PPM1E: variants seen among roughly 807,000 people sequenced by gnomAD.
PPM1E encodes protein phosphatase 1E.
A neutral mutation model predicts 65.9 loss-of-function variants in PPM1E; 20 were observed. The ratio of observed to expected loss-of-function variants is 0.30; its 90% CI spans 0.21 to 0.44. The LOEUF (loss-of-function observed/expected upper bound fraction) is 0.44, where lower values mean the gene tolerates loss of function less well. PPM1E is among the 20% of genes least tolerant of loss of function. The pLI is 1.00. For synonymous variants in PPM1E, 352 were observed against 374.9 expected (o/e 0.94, Z 0.70); for missense variants, 713 against 953.1 (o/e 0.75, Z 3.32).
At chr17:58,871,512 A>T (rs1374669291) in intron 1 of PPM1E, among the ~76,000 whole-genome samples, 1 of 152,052 alleles carries the variant, frequency 6.6e-6, no homozygotes, top group Non-Finnish European at 1.5e-5. Flanking sequence ...TGTAGTTTTA[A>T]TTACTCAAGA....
At chr17:58,828,144 A>G (rs12941189) in intron 1 of PPM1E, among the ~76,000 whole-genome samples, 96,079 of 150,942 alleles carry the variant, frequency 0.64, 30,970 homozygotes, top group African/African-American at 0.71. Context: ...ACTTGAACCT[A>G]GGAGGCAGAG....
chr17:58,971,408 T>A (rs1345381668), intron 4 of PPM1E, among the ~76,000 whole-genome samples: 1 of 152,228 alleles, frequency 6.6e-6, no homozygotes, highest in Admixed American at 6.5e-5. Context: ...CATTTGGTGG[T>A]GACTCATGTC....
intron 1 of PPM1E, among the ~76,000 whole-genome samples, chr17:58,837,350 C>G (rs1336852162): frequency 6.7e-6 from 1 of 150,292 alleles, no homozygotes; most frequent in Non-Finnish European, 1.5e-5. Flanking sequence ...CACACACACA[C>G]ACACACACAC....
chr17:58,811,425 A>G (rs1246779811), intron 1 of PPM1E, among the ~76,000 whole-genome samples: 5 of 152,306 alleles, frequency 3.3e-5, no homozygotes, highest in East Asian at 1.9e-4. Flanking sequence ...CCTTTGCACT[A>G]TTGTCTCAAA....
intron 1 of PPM1E, among the ~76,000 whole-genome samples, chr17:58,939,997 A>G (rs192756176): frequency 1.3e-5 from 2 of 152,326 alleles, no homozygotes; most frequent in Admixed American, 6.5e-5. Context: ...ATTTCTAATC[A>G]TATTGCAGTT....
At chr17:58,968,324 C>T (rs1233708324) in intron 3 of PPM1E, among the ~76,000 whole-genome samples, 1 of 152,110 alleles carries the variant, frequency 6.6e-6, no homozygotes, top group Non-Finnish European at 1.5e-5. Context: ...ACTTGGGAGG[C>T]TGAGGCGGGA....
intron 1 of PPM1E, among the ~76,000 whole-genome samples, chr17:58,876,717 A>G (rs1462409157): frequency 1.3e-5 from 2 of 152,230 alleles, no homozygotes; most frequent in Non-Finnish European, 1.5e-5. Context: ...GACCTTGGAA[A>G]ATTATTATTA....
chr17:58,816,070 G>A (rs2050412080), intron 1 of PPM1E, among the ~76,000 whole-genome samples: 1 of 151,902 alleles, frequency 6.6e-6, no homozygotes, highest in African/African-American at 2.4e-5. Context: ...CTGTTGCCCA[G>A]GCTGGAGTGC....
intron 1 of PPM1E, among the ~76,000 whole-genome samples, chr17:58,927,527 T>G (rs1219778655): frequency 6.6e-6 from 1 of 152,192 alleles, no homozygotes; most frequent in African/African-American, 2.4e-5. Flanking sequence ...GTTAAGTGTT[T>G]CGGTTGCAGT....
chr17:58,965,229 G>C (rs765994383), intron 2 of PPM1E, among the ~76,000 whole-genome samples: 20 of 152,026 alleles, frequency 1.3e-4, no homozygotes, highest in Non-Finnish European at 2.8e-4. Flanking sequence ...GGCTGTTTTC[G>C]TAGGCCTTCC....
intron 3 of PPM1E, among the ~76,000 whole-genome samples, chr17:58,967,460 A>G (rs920925774): frequency 2.0e-5 from 3 of 151,726 alleles, no homozygotes; most frequent in African/African-American, 7.3e-5. Context: ...GTAGGCTATA[A>G]AATGTCATGC....
At position 58,966,509 on chromosome 17, in the gene PPM1E, A is replaced by T. The variant is rs573470853; in HGVS notation, c.783+616A>T. On this transcript the variant is annotated intron_variant, in intron 3 of 6. Coordinates refer to ENST00000308249, the MANE Select transcript of PPM1E (RefSeq NM_014906.5). Reference sequence around the variant, plus strand: ...CTCACATTACTATGTTGCTGAAGCAACACAAACACAAAAGGAAGATTTAAG... The same window carrying T: ...CTCACATTACTATGTTGCTGAAGCATCACAAACACAAAAGGAAGATTTAAG... 4.2e-5 allele frequency: 8 copies of T among 190,396 alleles called. No homozygotes were observed. In the South Asian group the frequency reaches 6.8e-4, roughly 16 times the overall value. The allele number at this position is 190,396 out of a possible 1,614,324, so 11.8% of individuals were successfully genotyped here. A position where few individuals can be genotyped will look rare whatever the true frequency, so the allele number is the denominator to read the frequency against.
intron 1 of PPM1E, among the ~76,000 whole-genome samples, chr17:58,772,093 T>G (rs1223928396): frequency 6.6e-6 from 1 of 152,124 alleles, no homozygotes; most frequent in East Asian, 1.9e-4. Flanking sequence ...GAATCAGAAT[T>G]TGAACTCAGG....
At chr17:58,767,842 A>G (rs546606098) in intron 1 of PPM1E, among the ~76,000 whole-genome samples, 2 of 151,986 alleles carry the variant, frequency 1.3e-5, no homozygotes, top group South Asian at 4.1e-4. Context: ...GGGTTTCTCC[A>G]TGTCGGTCAG....
chr17:58,925,056 A>G (rs1162993320), intron 1 of PPM1E, among the ~76,000 whole-genome samples: 1 of 152,108 alleles, frequency 6.6e-6, no homozygotes, highest in Non-Finnish European at 1.5e-5. Flanking sequence ...ATGTGTCTTT[A>G]TAATAGAATT....
intron 2 of PPM1E, among the ~76,000 whole-genome samples, chr17:58,964,619 A>G (rs1007513788): frequency 2.6e-5 from 4 of 152,198 alleles, no homozygotes; most frequent in African/African-American, 4.8e-5. Context: ...TTTTCTATCT[A>G]GGATCACACG....
At chr17:58,897,275 A>G (rs1018938769) in intron 1 of PPM1E, among the ~76,000 whole-genome samples, 3 of 151,946 alleles carry the variant, frequency 2.0e-5, no homozygotes, top group African/African-American at 7.3e-5. Flanking sequence ...TTAGCCGGGC[A>G]TGGTGGTGGG....
intron 1 of PPM1E, among the ~76,000 whole-genome samples, chr17:58,872,798 TAAC>T (rs1319538774): frequency 6.6e-6 from 1 of 151,654 alleles, no homozygotes; most frequent in Non-Finnish European, 1.5e-5. Context: ...TATAGGCAGT[TAAC>T]AGGGTTGTAA....
chr17:58,790,105 A>T (rs1031206159), intron 1 of PPM1E, among the ~76,000 whole-genome samples: 1 of 152,164 alleles, frequency 6.6e-6, no homozygotes, highest in Non-Finnish European at 1.5e-5. Flanking sequence ...AAAGGAGCAG[A>T]TATGGTTCCT....
Sources: allele counts gnomAD v4.1 joint callset (sites outside exome capture counted in the v4.1 genomes callset), GRCh38; gene constraint gnomAD v4.1.1; transcripts MANE v1.5; gene names NCBI Gene and HGNC (gene_info 2026-07-23, HGNC 2026-07-21).